The following FAM174A variants were observed in gnomAD, a reference collection of about 807,000 sequenced individuals.
FAM174A encodes family with sequence similarity 174 member A.
FAM174A carries 14 observed loss-of-function variants against 14.3 expected under a neutral mutation model. That is an observed-to-expected ratio of 0.98 (90% CI 0.65 to 1.53). The LOEUF (loss-of-function observed/expected upper bound fraction) is 1.53, where lower values mean the gene tolerates loss of function less well. FAM174A is among the 40% of genes most tolerant of loss of function. The pLI, the probability that FAM174A is intolerant of heterozygous loss-of-function variation, is 0.00. For synonymous variants in FAM174A, 108 were observed against 111.4 expected (o/e 0.97, Z 0.19); for missense variants, 241 against 249.6 (o/e 0.97, Z 0.23).
intron 1 of FAM174A, among the ~76,000 whole-genome samples, chr5:100,549,525 A>C (rs1746222942): frequency 6.6e-6 from 1 of 152,144 alleles, no homozygotes; most frequent in Non-Finnish European, 1.5e-5. Flanking sequence ...TATGTACTGA[A>C]TTACAAGGAG....
intron 1 of FAM174A, among the ~76,000 whole-genome samples, chr5:100,550,520 G>A (rs1464827422): frequency 6.6e-6 from 1 of 151,948 alleles, no homozygotes; most frequent in Non-Finnish European, 1.5e-5. Context: ...TATTTATCAG[G>A]CATCAACTTT....
intron 2 of FAM174A, among the ~76,000 whole-genome samples, chr5:100,572,115 T>G (rs1219039406): frequency 1.3e-5 from 2 of 152,098 alleles, no homozygotes; most frequent in Non-Finnish European, 2.9e-5. Context: ...TCTATATGAT[T>G]TAATAAATAA....
chr5:100,538,492 CT>C (rs1745983409), intron 1 of FAM174A, among the ~76,000 whole-genome samples: 1 of 151,912 alleles, frequency 6.6e-6, no homozygotes, highest in African/African-American at 2.4e-5. Context: ...CAGGTTCTCA[CT>C]GTAGAAATAC....
At chr5:100,538,580 A>G (rs1242493848) in intron 1 of FAM174A, among the ~76,000 whole-genome samples, 2 of 152,090 alleles carry the variant, frequency 1.3e-5, no homozygotes, top group African/African-American at 4.8e-5. Context: ...ATTGCCTAAA[A>G]TGAACACTTA....
chr5:100,569,841 T>C (rs1300782981), intron 2 of FAM174A, among the ~76,000 whole-genome samples: 1 of 151,656 alleles, frequency 6.6e-6, no homozygotes, highest in Non-Finnish European at 1.5e-5. Context: ...TATGGAGATA[T>C]ATATATATAT....
intron 2 of FAM174A, among the ~76,000 whole-genome samples, chr5:100,573,797 G>T (rs1378478448): frequency 6.6e-6 from 1 of 150,920 alleles, no homozygotes; most frequent in Non-Finnish European, 1.5e-5. Flanking sequence ...AACAAAGCTG[G>T]AGGCATCACA....
chr5:100,568,557 G>A (rs1474210257), intron 2 of FAM174A, among the ~76,000 whole-genome samples: 1 of 149,160 alleles, frequency 6.7e-6, no homozygotes, highest in Non-Finnish European at 1.5e-5. Flanking sequence ...TCCCATTCCA[G>A]TTTATCTCTC....
rs147661242 is a variant in FAM174A at position 100,586,265 on chromosome 5, A to G, written c.*81A>G. The G allele has an allele frequency of 2.1e-5, 20 of 970,642 alleles. No homozygotes were observed. Among genetic ancestry groups the G allele is most frequent in the East Asian group, 7.7e-5 (3 of 39,172 alleles). 60.1% of individuals were successfully genotyped at this position (970,642 alleles called of 1,614,324 possible). A position where few individuals can be genotyped will look rare whatever the true frequency, so the allele number is the denominator to read the frequency against. The stretch of plus-strand genomic sequence containing the variant: ...TATGTTTAAGGAATAAGAAGCCACT[A>G]TATCAATGTTGGGGGGGTATTTAAG... On this transcript the variant is annotated 3_prime_UTR_variant, in exon 3 of 3. Coordinates refer to ENST00000312637, the MANE Select transcript of FAM174A (RefSeq NM_198507.3).
At chr5:100,537,602 T>G (rs962587572) in intron 1 of FAM174A, among the ~76,000 whole-genome samples, 1 of 152,220 alleles carries the variant, frequency 6.6e-6, no homozygotes. Flanking sequence ...TAAGAAATAT[T>G]ATTTGAGCTA....
intron 2 of FAM174A, among the ~76,000 whole-genome samples, chr5:100,572,233 C>CTT (rs566594533): frequency 7.8e-6 from 1 of 127,620 alleles, no homozygotes. Context: ...TATGTAATAT[C>CTT]TTTTTTTTTT....
chr5:100,547,354 A>G (rs189476391), intron 1 of FAM174A, among the ~76,000 whole-genome samples: 52 of 152,212 alleles, frequency 3.4e-4, no homozygotes, highest in Admixed American at 2.3e-3. Flanking sequence ...GTGGGATCCT[A>G]ATATATAAAC....
intron 1 of FAM174A, among the ~76,000 whole-genome samples, chr5:100,553,101 A>C (rs1004027602): frequency 2.6e-5 from 4 of 152,106 alleles, no homozygotes; most frequent in African/African-American, 9.6e-5. Flanking sequence ...AATTGTCAAC[A>C]CACATATAGA....
At position 100,543,377 on chromosome 5, in the gene FAM174A, T is replaced by A. The variant is rs570878764; in HGVS notation, c.434+7413T>A. Among the ~76,000 whole-genome samples the A allele has an allele frequency of 7.9e-5, 12 of 152,206 alleles. No individual in the cohort carries two copies. The South Asian group carries it at 2.5e-3, about 32-fold the overall frequency. On this transcript the variant is annotated intron_variant, in intron 1 of 2. Coordinates refer to ENST00000312637, the MANE Select transcript of FAM174A (RefSeq NM_198507.3). ...AAGTGATCTGCCTGCCTTGGCCTCCTAAAGTGCTGGGATTACAGGTGTGAG... is the reference window on the plus strand; with the variant it reads ...AAGTGATCTGCCTGCCTTGGCCTCCAAAAGTGCTGGGATTACAGGTGTGAG...
At position 100,535,545 on chromosome 5, in the gene FAM174A, G is replaced by T; in HGVS notation, c.15G>T (p.Gln5His). 6.2e-7 allele frequency: 1 copy of T among 1,613,060 alleles called. No individual in the cohort carries two copies. The highest frequency in any genetic ancestry group is 2.2e-5 in the East Asian group (1 of 44,884). Residue 5 changes from glutamine to histidine, a missense_variant, in exon 1 of 3, where the codon CAG becomes CAT. Transcript: ENST00000312637. ...GTCCGGGAACGATGAAGGCCTCGCA[G>T]TGCTGCTGCTGTCTCAGCCACCTCT... MKASQCCCCLSHLLA... is the reference protein window; with the variant it reads MKASHCCCCLSHLLA...
At chr5:100,574,643 CT>C (rs1474444189) in intron 2 of FAM174A, among the ~76,000 whole-genome samples, 1 of 151,884 alleles carries the variant, frequency 6.6e-6, no homozygotes, top group African/African-American at 2.4e-5. Context: ...TTACTTCTCT[CT>C]TGTTATAATT....
chr5:100,550,014 A>G (rs1009294151), intron 1 of FAM174A, among the ~76,000 whole-genome samples: 8 of 152,148 alleles, frequency 5.3e-5, no homozygotes, highest in Admixed American at 3.3e-4. Flanking sequence ...AAGTAGTACA[A>G]AAAGCCAGTT....
intron 2 of FAM174A, among the ~76,000 whole-genome samples, chr5:100,578,373 T>A (rs1240886660): frequency 6.6e-6 from 1 of 152,184 alleles, no homozygotes; most frequent in Non-Finnish European, 1.5e-5. Flanking sequence ...ACTGCACTTC[T>A]AAAATCTTTC....
intron 1 of FAM174A, among the ~76,000 whole-genome samples, chr5:100,559,745 A>G (rs529725326): frequency 8.0e-4 from 121 of 152,094 alleles, no homozygotes; most frequent in Admixed American, 4.0e-3. Context: ...CGCATTGGCT[A>G]CTGAGGCTTG....
chr5:100,538,275 T>C (rs879439728), intron 1 of FAM174A, among the ~76,000 whole-genome samples: 3 of 152,170 alleles, frequency 2.0e-5, no homozygotes, highest in Non-Finnish European at 2.9e-5. Context: ...TGAAATTAGT[T>C]ATTTGTGCCA....
Sources: gnomAD v4.1 joint callset for allele counts (sites outside exome capture counted in the v4.1 genomes callset) on GRCh38, gnomAD v4.1.1 for gene constraint, MANE v1.5 for transcripts, NCBI Gene and HGNC (gene_info 2026-07-23, HGNC 2026-07-21) for gene names.